Variants in UGDH observed in about 807,000 individuals in gnomAD.
UGDH encodes the protein UDP-glucose 6-dehydrogenase.
A neutral mutation model predicts 50.6 loss-of-function variants in UGDH; 38 were observed. That is an observed-to-expected ratio of 0.75 (90% CI 0.58 to 0.98). UGDH has a LOEUF of 0.98. Ranked by LOEUF, UGDH falls within the 50% of genes least tolerant of loss-of-function variation. The pLI, the probability that UGDH is intolerant of heterozygous loss-of-function variation, is 0.00. For synonymous variants in UGDH, 168 were observed against 199.9 expected, an observed-to-expected ratio of 0.84 and a Z score of 1.35; for missense variants, 465 against 606.2, an observed-to-expected ratio of 0.77 and a Z score of 2.45.
intron 2 of UGDH, among the ~76,000 whole-genome samples, chr4:39,518,752 C>T (rs894926363): frequency 6.6e-6 from 1 of 152,072 alleles, no homozygotes. Context: ...AGCCACTGTG[C>T]CTGGCCTATA....
Position 39,510,695 on chromosome 4 carries a change from A to G in UGDH, c.431T>C (p.Phe144Ser), listed in dbSNP as rs1746210870. The change falls in exon 4 of 12, where the codon TTT becomes TCT. Residue 144 changes from phenylalanine to serine, a missense_variant. Coordinates refer to ENST00000316423, the MANE Select transcript of UGDH (RefSeq NM_003359.4). ...VRAAESIRRI[F>S]DANTKPNLNL... ...CAAGTTGGGTTTTGTGTTTGCATCA[A>G]ATATGCGACGGATACTTTCTGCTGC... 3 of 1,614,108 alleles carry G rather than the reference A, an allele frequency of 1.9e-6. No homozygotes were observed. The highest frequency in any genetic ancestry group is 1.7e-5 in the Admixed American group (1 of 60,004).
intron 11 of UGDH, among the ~76,000 whole-genome samples, chr4:39,501,676 AC>A (rs1745826241): frequency 6.6e-6 from 1 of 152,110 alleles, no homozygotes; most frequent in Non-Finnish European, 1.5e-5. Context: ...TTTCTTCCTC[AC>A]TTGTAAATTG....
chr4:39,500,198 C>G lies in UGDH; in HGVS notation c.1430G>C (p.Gly477Ala), dbSNP rs1745742242. Residue 477 changes from glycine to alanine, a missense_variant, in exon 12 of 12, where the codon GGT becomes GCT. Transcript: ENST00000316423. ...SSKRIPYAPSGEIPKFSLQDP... is the reference protein window; with the variant it reads ...SSKRIPYAPSAEIPKFSLQDP... ...TTGAAGACTAAACTTCGGAATTTCA[C>G]CAGAAGGAGCATATGGAATTCTCTT... 6.2e-7 allele frequency: 1 copy of G among 1,605,406 alleles called. No individual in the cohort carries two copies. Among genetic ancestry groups the G allele is most frequent in the Non-Finnish European group, 8.5e-7 (1 of 1,175,514 alleles).
intron 2 of UGDH, among the ~76,000 whole-genome samples, chr4:39,515,052 C>G (rs914565429): frequency 3.9e-5 from 6 of 152,046 alleles, no homozygotes; most frequent in Admixed American, 3.9e-4. Context: ...CAGCTCACTA[C>G]AACCTTGACC....
At chr4:39,502,040 T>G (rs1745837456) in intron 11 of UGDH, among the ~76,000 whole-genome samples, 1 of 152,196 alleles carries the variant, frequency 6.6e-6, no homozygotes, top group African/African-American at 2.4e-5. Context: ...GTGATTCCAT[T>G]CCTGTTTTTT....
intron 11 of UGDH, 112 bp downstream of exon 11, chr4:39,503,763 C>A: frequency 1.1e-6 from 1 of 875,854 alleles, no homozygotes; most frequent in Non-Finnish European, 1.7e-6. Context: ...CATATTCTGA[C>A]CTGCTGTGAT....
intron 2 of UGDH, among the ~76,000 whole-genome samples, chr4:39,515,275 T>A (rs895030280): frequency 6.6e-6 from 1 of 152,164 alleles, no homozygotes. Flanking sequence ...TAACTATGAG[T>A]ATCAACACAA....
rs114681813 is a variant in UGDH at position 39,504,523 on chromosome 4, A to G, written c.1172-15T>C. 400 of 1,607,690 alleles carry G rather than the reference A, an allele frequency of 2.5e-4. No homozygotes were observed. The African/African-American group carries it at 4.9e-3, about 20-fold the overall frequency. On this transcript the variant is annotated splice_polypyrimidine_tract_variant and intron_variant, in intron 9 of 11. Transcript: ENST00000316423. ...GAGCCGGGACACTGTAACAATAGCA[A>G]CAACAAAAAAACAGAAATAAGAAAG... is the stretch of plus-strand genomic sequence containing the variant.
intron 2 of UGDH, among the ~76,000 whole-genome samples, chr4:39,517,210 T>C (rs1486686574): frequency 1.3e-5 from 2 of 151,470 alleles, no homozygotes; most frequent in African/African-American, 4.8e-5. Context: ...CTAAATTTTT[T>C]TTTTTTTTTT....
intron 1 of UGDH, among the ~76,000 whole-genome samples, chr4:39,525,660 C>T (rs1273418995): frequency 2.0e-5 from 3 of 146,850 alleles, no homozygotes; most frequent in African/African-American, 8.0e-5. Flanking sequence ...GCGCCCGCCA[C>T]TACGCCCGGC....
chr4:39,509,138 C>T (rs112283223), intron 6 of UGDH, among the ~76,000 whole-genome samples: 1,537 of 150,534 alleles, frequency 0.01, 23 homozygotes, highest in African/African-American at 0.034. Context: ...TCATGCCTGA[C>T]TAATTTTTTG....
In UGDH at chr4:39,510,444, G is replaced by A; in HGVS notation, c.572C>T (p.Ala191Val). The change falls in exon 5 of 12, where the codon GCT becomes GTT. Residue 191 changes from alanine to valine, a missense_variant. Physicochemically the swap from Ala to Val is moderately conservative, Grantham distance 64 (BLOSUM62 0). Transcript: ENST00000316423. ...GGDETPEGQR[A>V]VQALCAVYEH... ...ATATACAGCACACAGGGCCTGCACA[G>A]CTCTCTGGCCCTCTGGAGTTTCATC... 1.9e-6 allele frequency: 3 copies of A among 1,614,180 alleles called. No individual in the cohort carries two copies. The highest frequency in any genetic ancestry group is 2.5e-6 in the Non-Finnish European group (3 of 1,180,024).
intron 2 of UGDH, among the ~76,000 whole-genome samples, chr4:39,519,270 G>A (rs1464209640): frequency 6.6e-6 from 1 of 151,040 alleles, no homozygotes; most frequent in Non-Finnish European, 1.5e-5. Context: ...TGCCCAGGCT[G>A]GACTTGAAAC....
rs767697391 is a variant in UGDH, at chr4:39,514,153, C to T, written c.194G>A (p.Arg65Gln). ...GGTAGAAAAAAAAAGATTTTTTCCTCGACAGGATTCTACCACTTCTTTTAG... is the reference window on the plus strand; with the variant it reads ...GGTAGAAAAAAAAAGATTTTTTCCTTGACAGGATTCTACCACTTCTTTTAG... Reference protein sequence around the residue: ...PGLKEVVESCRGKNLFFSTNI... With the variant: ...PGLKEVVESCQGKNLFFSTNI... Residue 65 changes from arginine (R) to glutamine (Q), a missense_variant, in exon 3 of 12, where the codon CGA (arginine) becomes CAA (glutamine). Coordinates refer to ENST00000316423, the MANE Select transcript of UGDH (RefSeq NM_003359.4). The T allele has an allele frequency of 3.0e-5, 48 of 1,583,088 alleles. No individual in the cohort carries two copies. Among genetic ancestry groups the T allele is most frequent in the Non-Finnish European group, 3.7e-5 (43 of 1,172,674 alleles).
chr4:39,501,368 G>A (rs1050956188), intron 11 of UGDH, among the ~76,000 whole-genome samples: 13 of 151,114 alleles, frequency 8.6e-5, no homozygotes, highest in Admixed American at 3.3e-4. Context: ...TCTGCCTCCC[G>A]GTTCACACCA....
chr4:39,519,958 A>T (rs1225743604), intron 2 of UGDH, among the ~76,000 whole-genome samples: 1 of 152,232 alleles, frequency 6.6e-6, no homozygotes, highest in Non-Finnish European at 1.5e-5. Flanking sequence ...GATAGCAGGC[A>T]GACCTATCTT....
At chr4:39,514,912 C>T (rs1746387185) in intron 2 of UGDH, among the ~76,000 whole-genome samples, 2 of 152,008 alleles carry the variant, frequency 1.3e-5, no homozygotes, top group Non-Finnish European at 1.5e-5. Context: ...GAACTCCTGA[C>T]CTCAGGTAAT....
At chr4:39,515,046 T>A (rs1746392958) in intron 2 of UGDH, among the ~76,000 whole-genome samples, 1 of 151,912 alleles carries the variant, frequency 6.6e-6, no homozygotes, top group Admixed American at 6.6e-5. Context: ...GCGTAACAGC[T>A]CACTACAACC....
Position 39,500,245 on chromosome 4 carries a change from T to A in UGDH, c.1383A>T (p.Thr461=), listed in dbSNP as rs1330511102. The A allele has an allele frequency of 6.4e-7, 1 of 1,574,798 alleles. No individual in the cohort carries two copies. Among genetic ancestry groups the A allele is most frequent in the Non-Finnish European group, 8.6e-7 (1 of 1,159,412 alleles). ...TCTTTGAAGACACCTTTTTGCCAAT[T>A]GTTTCAATCTGAAAAAAAAATAAAA... ...ELQTIGFQIE[T]IGKKVSSKRI... The change falls in exon 12 of 12, where the codon ACA becomes ACT. Residue 461 remains threonine (T), a synonymous_variant. Transcript: ENST00000316423.
Sources: allele counts gnomAD v4.1 joint callset (sites outside exome capture counted in the v4.1 genomes callset), GRCh38; gene constraint gnomAD v4.1.1; transcripts MANE v1.5; gene names NCBI Gene and HGNC (gene_info 2026-07-23, HGNC 2026-07-21).